Variants in BRINP1 observed in about 807,000 individuals in gnomAD.
BRINP1 encodes the protein BMP/retinoic acid-inducible neural-specific protein 1.
Under a neutral mutation model 72.9 loss-of-function variants are expected in BRINP1, and 17 were observed. The observed-to-expected ratio is 0.23, with a 90% confidence interval of 0.16 to 0.35. BRINP1 has a LOEUF of 0.35. Ranked by LOEUF, BRINP1 falls within the 10% of genes least tolerant of loss-of-function variation. BRINP1 has a pLI of 1.00. For synonymous variants in BRINP1, 418 were observed against 378.5 expected (o/e 1.10, Z -1.21); for missense variants, 850 against 1,001.6 (o/e 0.85, Z 2.04).
At chr9:119,340,437 G>A (rs1274938795) in intron 1 of BRINP1, among the ~76,000 whole-genome samples, 11 of 152,028 alleles carry the variant, frequency 7.2e-5, no homozygotes, top group African/African-American at 2.7e-4. Flanking sequence ...TGAGACAAGA[G>A]GTGTGACAGT....
At chr9:119,295,078 G>A (rs1031612199) in intron 2 of BRINP1, among the ~76,000 whole-genome samples, 22 of 151,864 alleles carry the variant, frequency 1.4e-4, no homozygotes, top group African/African-American at 4.1e-4. Flanking sequence ...GAACAAAGAC[G>A]AATGCATCCC....
At chr9:119,225,739 A>G (rs1159306841) in intron 5 of BRINP1, among the ~76,000 whole-genome samples, 2 of 151,964 alleles carry the variant, frequency 1.3e-5, no homozygotes, top group Non-Finnish European at 2.9e-5. Flanking sequence ...GAAATAGAGA[A>G]TAACTGCTTA....
At chr9:119,274,100 T>C (rs9886888) in intron 2 of BRINP1, among the ~76,000 whole-genome samples, 3,000 of 152,322 alleles carry the variant, frequency 0.02, 111 homozygotes, top group African/African-American at 0.068. Context: ...ATTGGCAGCC[T>C]TACTCCACTG....
intron 5 of BRINP1, among the ~76,000 whole-genome samples, chr9:119,233,777 T>A (rs1830167863): frequency 6.6e-6 from 1 of 152,162 alleles, no homozygotes; most frequent in South Asian, 2.1e-4. Context: ...CAGAAATGTC[T>A]CTCACCCCTT....
chr9:119,285,030 A>T (rs1588191169), intron 2 of BRINP1, among the ~76,000 whole-genome samples: 1 of 152,114 alleles, frequency 6.6e-6, no homozygotes, highest in South Asian at 2.1e-4. Context: ...ACGTTAATTT[A>T]TGACGGAGTT....
chr9:119,220,170 T>C (rs1303849340), intron 5 of BRINP1, among the ~76,000 whole-genome samples: 1 of 152,124 alleles, frequency 6.6e-6, no homozygotes, highest in Non-Finnish European at 1.5e-5. Flanking sequence ...CTTTATTCAT[T>C]ATAAGATGGG....
intron 7 of BRINP1, among the ~76,000 whole-genome samples, chr9:119,205,098 G>A (rs558733612): frequency 2.6e-5 from 4 of 152,124 alleles, no homozygotes; most frequent in Admixed American, 6.5e-5. Context: ...ACCTCTGTCC[G>A]ACACTGCTCC....
chr9:119,175,040 T>G (rs866391434), intron 7 of BRINP1, among the ~76,000 whole-genome samples: 1 of 144,826 alleles, frequency 6.9e-6, no homozygotes, highest in East Asian at 2.1e-4. Flanking sequence ...GTGGGTGCAG[T>G]GCACCAGCAT....
chr9:119,284,637 T>C (rs1564238292), intron 2 of BRINP1, among the ~76,000 whole-genome samples: 1 of 152,218 alleles, frequency 6.6e-6, no homozygotes, highest in Non-Finnish European at 1.5e-5. Flanking sequence ...CACCCTGTGC[T>C]GCTGAAAATG....
intron 4 of BRINP1, among the ~76,000 whole-genome samples, chr9:119,240,093 AC>A (rs1830232568): frequency 1.3e-5 from 2 of 151,900 alleles, no homozygotes; most frequent in African/African-American, 4.8e-5. Flanking sequence ...ACATGGTGAA[AC>A]CCTATCTCTA....
intron 1 of BRINP1, among the ~76,000 whole-genome samples, chr9:119,334,781 G>T (rs917624004): frequency 2.0e-5 from 3 of 151,602 alleles, no homozygotes; most frequent in African/African-American, 7.3e-5. Flanking sequence ...TATGGAGGGG[G>T]TGGGGGAGGG....
At chr9:119,222,275 A>G (rs10984447) in intron 5 of BRINP1, among the ~76,000 whole-genome samples, 28,871 of 152,040 alleles carry the variant, frequency 0.19, 3,077 homozygotes, top group Non-Finnish European at 0.25. Flanking sequence ...TTGTTAGCAC[A>G]GCATAACCTA....
At chr9:119,272,601 G>A (rs1830618772) in intron 2 of BRINP1, among the ~76,000 whole-genome samples, 1 of 152,138 alleles carries the variant, frequency 6.6e-6, no homozygotes, top group East Asian at 1.9e-4. Flanking sequence ...AGCCACCTAG[G>A]TACAGCCTGG....
In BRINP1 at chr9:119,167,594, G is replaced by C. The variant is rs374096592; in HGVS notation, c.1776C>G (p.Leu592=). ...TCCAGTTGTAGCACTGGCTGTTTTGGAGACGGATCTTCTCCCAGCGTGGGT... is the reference window on the plus strand; with the variant it reads ...TCCAGTTGTAGCACTGGCTGTTTTGCAGACGGATCTTCTCCCAGCGTGGGT... ...FGYPRWEKIR[L]QNSQCYNWTL... is the part of the protein sequence containing the mutation. Residue 592 remains leucine, a synonymous_variant, in exon 8 of 8, where the codon CTC becomes CTG. Transcript: ENST00000265922. The surrounding 1 kb of genome is among the most constrained non-coding windows in gnomAD (Gnocchi z 4.3). 7 of 1,614,048 alleles carry C rather than the reference G, an allele frequency of 4.3e-6. No individual in the cohort carries two copies. Among genetic ancestry groups the C allele is most frequent in the South Asian group, 2.2e-5 (2 of 91,076 alleles).
chr9:119,215,386 A>T (rs1211456085), intron 5 of BRINP1, among the ~76,000 whole-genome samples: 1 of 152,222 alleles, frequency 6.6e-6, no homozygotes, highest in Non-Finnish European at 1.5e-5. Flanking sequence ...GATCTGGGCT[A>T]ACTTAATTCA....
chr9:119,312,039 G>A (rs1449554361), intron 2 of BRINP1, among the ~76,000 whole-genome samples: 1 of 152,154 alleles, frequency 6.6e-6, no homozygotes, highest in East Asian at 1.9e-4. Context: ...CTCCCTTCAT[G>A]GCACATGATA....
rs922969012 is a variant in BRINP1 at position 119,186,928 on chromosome 9, C to T, written c.1146-18704G>A. 4.6e-5 allele frequency among the ~76,000 whole-genome samples: 7 copies of T among 152,096 alleles called. No individual in the cohort carries two copies. In the East Asian group the frequency reaches 7.8e-4, roughly 17 times the overall value. Reference sequence around the variant, plus strand: ...AAGCAGTACCCTCTCTCCTGATGCCCGAGTTGTCTTTGTGCCCTGCTGGCT... The same window carrying T: ...AAGCAGTACCCTCTCTCCTGATGCCTGAGTTGTCTTTGTGCCCTGCTGGCT... On this transcript the variant is annotated intron_variant, in intron 7 of 7. Coordinates refer to ENST00000265922, the MANE Select transcript of BRINP1 (RefSeq NM_014618.3).
chr9:119,268,351 G>A (rs1242174405), intron 2 of BRINP1, among the ~76,000 whole-genome samples: 2 of 152,168 alleles, frequency 1.3e-5, no homozygotes, highest in African/African-American at 2.4e-5. Context: ...GATACGGACT[G>A]GCCTCTGTTT....
At chr9:119,237,063 C>T in intron 5 of BRINP1, among the ~76,000 whole-genome samples, 1 of 152,078 alleles carries the variant, frequency 6.6e-6, no homozygotes, top group Admixed American at 6.6e-5. Flanking sequence ...CAAAAGGAAC[C>T]AGAAAATAAA....
Sources: gnomAD v4.1 joint callset for allele counts (sites outside exome capture counted in the v4.1 genomes callset) on GRCh38, gnomAD v4.1.1 for gene constraint, Gnocchi (gnomAD v3.1) non-coding constraint, MANE v1.5 for transcripts, NCBI Gene and HGNC (gene_info 2026-07-23, HGNC 2026-07-21) for gene names.